The following SUZ12 variants were observed in gnomAD, a reference collection of about 807,000 sequenced individuals.
The protein encoded by SUZ12 is SUZ12 polycomb repressive complex 2 subunit, also known as polycomb protein SUZ12.
SUZ12 carries 17 observed loss-of-function variants against 87.3 expected under a neutral mutation model. The observed-to-expected ratio is 0.19, with a 90% confidence interval of 0.13 to 0.29. The LOEUF (loss-of-function observed/expected upper bound fraction) is 0.29, where lower values mean the gene tolerates loss of function less well. Ranked by LOEUF, SUZ12 falls within the 10% of genes least tolerant of loss-of-function variation. The pLI is 1.00. For missense variants in SUZ12, 526 were observed against 912.2 expected (o/e 0.58, Z 5.45); for synonymous variants, 253 against 312.4 (o/e 0.81, Z 2.01).
Position 31,947,699 on chromosome 17 carries a change from T to C in SUZ12, c.455+14T>C, listed in dbSNP as rs1404815530. 1.9e-6 allele frequency: 3 copies of C among 1,604,202 alleles called. No homozygotes were observed. The highest frequency in any genetic ancestry group is 3.3e-4 in the Middle Eastern group (2 of 6,020). ...AGAATCTCATAGGTAAGATAATCTA[T>C]CAGTTTACATTAAGTGATATACTTT... On this transcript the variant is annotated intron_variant, in intron 4 of 15. Transcript: ENST00000322652.
chr17:31,981,033 A>G (rs1471391313), intron 8 of SUZ12, among the ~76,000 whole-genome samples: 1 of 152,118 alleles, frequency 6.6e-6, no homozygotes, highest in Non-Finnish European at 1.5e-5. Context: ...GTCAAAAAAA[A>G]AAACCAAAAA....
intron 15 of SUZ12, among the ~76,000 whole-genome samples, chr17:31,997,762 A>G (rs1910058283): frequency 1.3e-5 from 2 of 151,794 alleles, no homozygotes. Context: ...TAATGACCCA[A>G]TTTTCATGCC....
Position 31,955,383 on chromosome 17 carries a change from A to G in SUZ12, c.455+7698A>G, listed in dbSNP as rs1598155612. The stretch of plus-strand genomic sequence containing the variant: ...TTTACCCTTGACCTCCTGGCCTCAA[A>G]TGATCCTCCTGCCTCAGCCTACCGA... On this transcript the variant is annotated intron_variant, in intron 4 of 15. Coordinates refer to ENST00000322652, the MANE Select transcript of SUZ12 (RefSeq NM_015355.4). Among the ~76,000 whole-genome samples the G allele has an allele frequency of 3.3e-5, 5 of 152,200 alleles. No individual in the cohort carries two copies. The South Asian group carries it at 1.0e-3, about 32-fold the overall frequency.
At chr17:31,994,763 T>G in intron 13 of SUZ12, 42 bp downstream of exon 13, 1 of 1,585,340 alleles carries the variant, frequency 6.3e-7, no homozygotes, top group Non-Finnish European at 8.6e-7. Context: ...AGCTCTGATT[T>G]TTACTGATGT....
chr17:31,963,850 G>C (rs1458750730), intron 4 of SUZ12: 1 of 152,054 alleles, frequency 6.6e-6, no homozygotes, highest in Non-Finnish European at 1.5e-5. Flanking sequence ...TTATATTTTT[G>C]CTTTCTCCCA....
At chr17:31,977,884 T>C (rs976013199) in intron 8 of SUZ12, among the ~76,000 whole-genome samples, 8 of 152,082 alleles carry the variant, frequency 5.3e-5, no homozygotes, top group African/African-American at 1.9e-4. Context: ...GCAAGACTCT[T>C]GTCTTAAAAA....
intron 3 of SUZ12, among the ~76,000 whole-genome samples, chr17:31,941,825 A>G (rs533462208): frequency 1.3e-5 from 2 of 151,358 alleles, no homozygotes; most frequent in African/African-American, 2.4e-5. Context: ...CTGGCATTAC[A>G]GGAGTGAGCC....
At chr17:31,994,525 G>A (rs1465356131) in intron 12 of SUZ12, 39 bp from the exon 13 acceptor site, 1 of 1,508,224 alleles carries the variant, frequency 6.6e-7, no homozygotes, top group Admixed American at 2.1e-5. Context: ...TTTAGGATAG[G>A]ATACTTAATA....
At chr17:31,958,898 A>G (rs1440789537) in intron 4 of SUZ12, among the ~76,000 whole-genome samples, 1 of 151,074 alleles carries the variant, frequency 6.6e-6, no homozygotes, top group African/African-American at 2.4e-5. Context: ...TGCACCTGTA[A>G]TTTCATCTAC....
chr17:31,943,687 C>G (rs974784752), intron 3 of SUZ12, among the ~76,000 whole-genome samples: 1 of 151,774 alleles, frequency 6.6e-6, no homozygotes, highest in Non-Finnish European at 1.5e-5. Context: ...ATTCGACTAA[C>G]TGTTTTGTTT....
intron 5 of SUZ12, among the ~76,000 whole-genome samples, chr17:31,969,614 T>A (rs1481727912): frequency 6.6e-6 from 1 of 152,146 alleles, no homozygotes; most frequent in African/African-American, 2.4e-5. Flanking sequence ...CTATTCTATT[T>A]TAACTTTGAA....
intron 14 of SUZ12, among the ~76,000 whole-genome samples, chr17:31,996,032 A>G (rs999087884): frequency 6.6e-6 from 1 of 152,072 alleles, no homozygotes; most frequent in African/African-American, 2.4e-5. Context: ...AGCATGGTGA[A>G]ACCCGGTCTC....
intron 4 of SUZ12, among the ~76,000 whole-genome samples, chr17:31,957,163 G>C (rs1907394881): frequency 6.6e-6 from 1 of 151,880 alleles, no homozygotes; most frequent in Non-Finnish European, 1.5e-5. Context: ...GCTCACTGCA[G>C]TCTCAACCTC....
chr17:31,973,872 A>G (rs473342), intron 6 of SUZ12, among the ~76,000 whole-genome samples: 15,001 of 152,020 alleles, frequency 0.099, 1,015 homozygotes, highest in South Asian at 0.15. Context: ...AAGGGCCTCA[A>G]TCACTGGGAG....
chr17:31,974,743 C>T (rs1908643036), intron 6 of SUZ12, among the ~76,000 whole-genome samples: 1 of 152,028 alleles, frequency 6.6e-6, no homozygotes, highest in Non-Finnish European at 1.5e-5. Context: ...ACTTTATAGT[C>T]TTATAAAATA....
chr17:31,967,892 C>T (rs183052203), intron 5 of SUZ12, among the ~76,000 whole-genome samples: 9 of 152,200 alleles, frequency 5.9e-5, no homozygotes, highest in Admixed American at 3.9e-4. Flanking sequence ...TTAGACTGGG[C>T]GTGGTGGCTC....
chr17:31,986,032 G>A (rs1368665099), intron 9 of SUZ12, among the ~76,000 whole-genome samples: 1 of 151,676 alleles, frequency 6.6e-6, no homozygotes. Flanking sequence ...GCAATGGCGC[G>A]GTCTCAGTTC....
intron 5 of SUZ12, among the ~76,000 whole-genome samples, chr17:31,971,597 A>G (rs1167854159): frequency 6.6e-6 from 1 of 151,320 alleles, no homozygotes; most frequent in Non-Finnish European, 1.5e-5. Flanking sequence ...TGCCTGGCTG[A>G]TGTTGTATTT....
rs1909845435 is a variant in SUZ12, at chr17:31,993,885, A to G, written c.1314A>G (p.Thr438=). 1.9e-6 allele frequency: 3 copies of G among 1,612,348 alleles called. No homozygotes were observed. The highest frequency in any genetic ancestry group is 2.5e-6 in the Non-Finnish European group (3 of 1,179,520). ...IFYQFLYNNN[T]RQQTEARDDL... ...TTTAGTTTCTCTATAACAACAATACAAGGCAACAAACTGAAGCAAGAGATG... is the reference window on the plus strand; with the variant it reads ...TTTAGTTTCTCTATAACAACAATACGAGGCAACAAACTGAAGCAAGAGATG... The change falls in exon 12 of 16, where the codon ACA becomes ACG. Residue 438 remains threonine, a synonymous_variant. Transcript: ENST00000322652.
Sources: gnomAD v4.1 joint callset for allele counts (sites outside exome capture counted in the v4.1 genomes callset) on GRCh38, gnomAD v4.1.1 for gene constraint, MANE v1.5 for transcripts, NCBI Gene and HGNC (gene_info 2026-07-23, HGNC 2026-07-21) for gene names.